YTHDF1: variants seen among roughly 807,000 people sequenced by gnomAD.
YTHDF1 encodes YTH N6-methyladenosine RNA binding protein F1.
A neutral mutation model predicts 49.1 loss-of-function variants in YTHDF1; 16 were observed. The ratio of observed to expected loss-of-function variants is 0.33; its 90% CI spans 0.22 to 0.49. The LOEUF is 0.49. Ranked by LOEUF, YTHDF1 falls within the 20% of genes least tolerant of loss-of-function variation. YTHDF1 has a pLI of 0.99. For synonymous variants in YTHDF1, 313 were observed against 290.1 expected, an observed-to-expected ratio of 1.08 and a Z score of -0.80; for missense variants, 621 against 744.3, an observed-to-expected ratio of 0.83 and a Z score of 1.93.
chr20:63,200,785 CTG>C (rs1489036065), intron 4 of YTHDF1, among the ~76,000 whole-genome samples: 3 of 152,338 alleles, frequency 2.0e-5, no homozygotes, highest in South Asian at 2.1e-4. Flanking sequence ...AGAAGAAAAA[CTG>C]TGCGCGCACA....
intron 2 of YTHDF1, 90 bp downstream of exon 2, chr20:63,215,487 G>A: frequency 6.4e-7 from 1 of 1,569,136 alleles, no homozygotes; most frequent in Non-Finnish European, 8.7e-7. Flanking sequence ...AAGAGAGAAA[G>A]TTTCCGGTTC....
At chr20:63,199,316 G>A (rs548091926) in intron 4 of YTHDF1, among the ~76,000 whole-genome samples, 157 of 152,054 alleles carry the variant, frequency 1.0e-3, no homozygotes, top group Admixed American at 1.9e-3. Context: ...TCAGGAGATC[G>A]AGACCATCCT....
chr20:63,202,245 G>C (rs6122395), intron 4 of YTHDF1, 42 bp downstream of exon 4: 1 of 1,583,054 alleles, frequency 6.3e-7, no homozygotes, highest in South Asian at 1.2e-5. Context: ...ACGGCACCAA[G>C]GACACATCTG....
At chr20:63,200,592 C>A (rs1026229613) in intron 4 of YTHDF1, among the ~76,000 whole-genome samples, 18 of 152,170 alleles carry the variant, frequency 1.2e-4, no homozygotes, top group Admixed American at 9.2e-4. Context: ...ATCTTGCCTG[C>A]AGGCAGATGC....
At chr20:63,206,225 G>A (rs2066545488) in intron 3 of YTHDF1, among the ~76,000 whole-genome samples, 1 of 152,114 alleles carries the variant, frequency 6.6e-6, no homozygotes, top group South Asian at 2.1e-4. Flanking sequence ...GAGCAGATGG[G>A]AAAAAAAGAC....
At chr20:63,204,447 C>CT (rs1300297330) in intron 3 of YTHDF1, among the ~76,000 whole-genome samples, 4 of 152,232 alleles carry the variant, frequency 2.6e-5, no homozygotes, top group Non-Finnish European at 5.9e-5. Flanking sequence ...GCCCCTGCCT[C>CT]TAAGTCCAAG....
At position 63,202,270 on chromosome 20, in the gene YTHDF1, G is replaced by A; in HGVS notation, c.1653+17C>T. ...GGACACATCTGCATGGCAGTTGCCT[G>A]CAACACCCAGCCTCACCTTGCGCAC... is the stretch of plus-strand genomic sequence containing the variant. On this transcript the variant is annotated intron_variant, in intron 4 of 4. Coordinates refer to ENST00000370339, the MANE Select transcript of YTHDF1 (RefSeq NM_017798.4). 1 of 1,603,112 alleles carries A rather than the reference G, an allele frequency of 6.2e-7. No homozygotes were observed. The highest frequency in any genetic ancestry group is 8.5e-7 in the Non-Finnish European group (1 of 1,173,764).
chr20:63,213,916 T>C lies in YTHDF1; in HGVS notation c.80A>G (p.Asp27Gly), dbSNP rs377494762. ...KVQNGSLHQK[D>G]TVHDNDFEPY... is the part of the protein sequence containing the mutation. ...CTCAAAGTCATTGTCATGAACTGTA[T>C]CCTTCTGATGTAACGAACCATTTTG... Residue 27 changes from aspartate to glycine, a missense_variant, in exon 3 of 5, where the codon GAT becomes GGT. Asp to Gly is a moderately conservative substitution (Grantham distance 94). Coordinates refer to ENST00000370339, the MANE Select transcript of YTHDF1 (RefSeq NM_017798.4). 2.3e-5 allele frequency: 36 copies of C among 1,569,842 alleles called. 1 individual carries two copies. The highest frequency in any genetic ancestry group is 2.4e-5 in the South Asian group (2 of 84,130).
chr20:63,212,830 G>C (rs1414854065), intron 3 of YTHDF1, among the ~76,000 whole-genome samples: 1 of 152,206 alleles, frequency 6.6e-6, no homozygotes, highest in Non-Finnish European at 1.5e-5. Context: ...ATGGCATCTA[G>C]TGGGTGGGAA....
rs1391102275 is a variant in YTHDF1 at position 63,203,257 on chromosome 20, A to C, written c.683T>G (p.Val228Gly). ...GGCAGCCCACGAGGTCGGCTTTGAA[A>C]CTGGCATGTTCACATTTGTCCCACC... is the stretch of plus-strand genomic sequence containing the variant. ...GNGGTNVNMP[V>G]SKPTSWAAIA... The change falls in exon 4 of 5, where the codon GTT becomes GGT. Residue 228 changes from valine (V) to glycine (G), a missense_variant. Val to Gly is a moderately radical substitution (Grantham distance 109). Around this residue, in one of 2 missense-constraint regions of YTHDF1, gnomAD observed 470 missense variants for 495.8 expected, o/e 0.95. Coordinates refer to ENST00000370339, the MANE Select transcript of YTHDF1 (RefSeq NM_017798.4). The surrounding 1 kb of genome is among the most constrained non-coding windows in gnomAD (Gnocchi z 4.4). The C allele has an allele frequency of 5.6e-6, 9 of 1,613,908 alleles. No homozygotes were observed. Among genetic ancestry groups the C allele is most frequent in the Non-Finnish European group, 7.6e-6 (9 of 1,180,038 alleles).
chr20:63,200,232 G>A (rs1362780011), intron 4 of YTHDF1, among the ~76,000 whole-genome samples: 2 of 151,418 alleles, frequency 1.3e-5, no homozygotes, highest in Non-Finnish European at 2.9e-5. Context: ...GCAGTGGTGG[G>A]CGCCTATGAT....
At chr20:63,211,117 C>CAGGAACCACG (rs56915281) in intron 3 of YTHDF1, among the ~76,000 whole-genome samples, 1 of 151,996 alleles carries the variant, frequency 6.6e-6, no homozygotes, top group Non-Finnish European at 1.5e-5. Flanking sequence ...ACACAAAACA[C>CAGGAACCACG]GGTAGCCTCC....
intron 3 of YTHDF1, among the ~76,000 whole-genome samples, chr20:63,204,115 T>C (rs1026804652): frequency 6.6e-6 from 1 of 152,158 alleles, no homozygotes; most frequent in Non-Finnish European, 1.5e-5. Flanking sequence ...TACTCTTACC[T>C]GCAAAGGAAT....
chr20:63,215,426 T>A, intron 2 of YTHDF1, 151 bp downstream of exon 2: 1 of 1,040,726 alleles, frequency 9.6e-7, no homozygotes, highest in Non-Finnish European at 1.4e-6. Context: ...ACCTGTCAAA[T>A]CTCCCAGAAT....
chr20:63,204,201 A>C (rs1264859146), intron 3 of YTHDF1, among the ~76,000 whole-genome samples: 1 of 152,242 alleles, frequency 6.6e-6, no homozygotes, highest in East Asian at 1.9e-4. Flanking sequence ...ATGGGAACTG[A>C]AACAGCTTTG....
chr20:63,215,026 A>C (rs2066594513), intron 2 of YTHDF1, among the ~76,000 whole-genome samples: 1 of 152,224 alleles, frequency 6.6e-6, no homozygotes, highest in Non-Finnish European at 1.5e-5. Context: ...AAACACGATG[A>C]ACCGTATTTG....
In YTHDF1 at chr20:63,213,926, G is replaced by A; in HGVS notation, c.70C>T (p.His24Tyr). 1 of 1,561,244 alleles carries A rather than the reference G, an allele frequency of 6.4e-7. No individual in the cohort carries two copies. The highest frequency in any genetic ancestry group is 8.6e-7 in the Non-Finnish European group (1 of 1,163,948). Residue 24 changes from histidine (H) to tyrosine (Y), a missense_variant, in exon 3 of 5, where the codon CAT becomes TAT. Physicochemically the swap from His to Tyr is moderately conservative, Grantham distance 83 (BLOSUM62 2). Around this residue, in one of 2 missense-constraint regions of YTHDF1, gnomAD observed 470 missense variants for 495.8 expected, o/e 0.95. Transcript: ENST00000370339. ...QDNKVQNGSL[H>Y]QKDTVHDNDF... Reference sequence around the variant, plus strand: ...TTGTCATGAACTGTATCCTTCTGATGTAACGAACCATTTTGTACTAGAACA... The same window carrying A: ...TTGTCATGAACTGTATCCTTCTGATATAACGAACCATTTTGTACTAGAACA...
intron 4 of YTHDF1, 30 bp from the exon 5 acceptor site, chr20:63,196,764 C>T (rs1867136038): frequency 6.2e-7 from 1 of 1,613,516 alleles, no homozygotes; most frequent in South Asian, 1.1e-5. Context: ...AAGTTGAACG[C>T]AGAGTAACCA....
In YTHDF1 at chr20:63,203,457, C is replaced by CT. The variant is rs2066529450; in HGVS notation, c.482_483insA (p.Val162GlyfsTer3). The CT allele has an allele frequency of 5.6e-6, 9 of 1,612,770 alleles. No individual in the cohort carries two copies. Among genetic ancestry groups the CT allele is most frequent in the Non-Finnish European group, 7.6e-6 (9 of 1,179,604 alleles). On this transcript the variant is annotated frameshift_variant, in exon 4 of 5. Coordinates refer to ENST00000370339, the MANE Select transcript of YTHDF1 (RefSeq NM_017798.4). LOFTEE classifies it high-confidence loss of function. This position sits in a 1 kb window ranked among gnomAD's most constrained non-coding sequence, Gnocchi z 4.4. ...GAAAGCCTGGCTGCCCATCAACCAC[C>CT]GTGCCACCCAGGGAGCTCGGGGGGT...
Sources: allele counts gnomAD v4.1 joint callset (sites outside exome capture counted in the v4.1 genomes callset), GRCh38; gene constraint gnomAD v4.1.1; regional missense constraint gnomAD v4.1.1; non-coding constraint Gnocchi (gnomAD v3.1); transcripts MANE v1.5; gene names NCBI Gene and HGNC (gene_info 2026-07-23, HGNC 2026-07-21).